The following ECE1 variants were observed in gnomAD, a reference collection of about 807,000 sequenced individuals.
The protein encoded by ECE1 is endothelin converting enzyme 1.
A neutral mutation model predicts 98.6 loss-of-function variants in ECE1; 35 were observed. The ratio of observed to expected loss-of-function variants is 0.35; its 90% confidence interval spans 0.27 to 0.47. The LOEUF is 0.47. Among genes scored for constraint, ECE1 ranks in the 20% least tolerant of loss-of-function variants. The probability of loss-of-function intolerance (pLI) is 1.00; values close to 1 mark genes in which losing one functional copy is unlikely to be tolerated. For synonymous variants in ECE1, 394 were observed against 407.1 expected, an observed-to-expected ratio of 0.97 and a Z score of 0.39; for missense variants, 814 against 1,025.3, an observed-to-expected ratio of 0.79 and a Z score of 2.81.
intron 1 of ECE1, among the ~76,000 whole-genome samples, chr1:21,308,983 A>G (rs1016972406): frequency 5.3e-5 from 8 of 152,164 alleles, no homozygotes; most frequent in African/African-American, 1.9e-4. Context: ...GGAGATTATC[A>G]CAGTTTGCAG....
In ECE1 at chr1:21,340,131, G is replaced by A. The variant is rs1027531509; in HGVS notation, c.3+5245C>T. 6.6e-6 allele frequency among the ~76,000 whole-genome samples: 1 copy of A among 152,380 alleles called. No homozygotes were observed. The highest frequency in any genetic ancestry group is 1.9e-4 in the East Asian group (1 of 5,190). On this transcript the variant is annotated intron_variant, in intron 1 of 18. Coordinates refer to the ECE1 transcript ENST00000415912. This position sits in a 1 kb window ranked among gnomAD's most constrained non-coding sequence, Gnocchi z 4.6. ...CACCTATGGGCAGGATGACTCTGGA[G>A]CTGCATCCCCAGGTTGGCACATAGC...
chr1:21,270,105 T>C (rs906238464), intron 4 of ECE1, among the ~76,000 whole-genome samples: 3 of 152,242 alleles, frequency 2.0e-5, no homozygotes, highest in Non-Finnish European at 4.4e-5. Context: ...CTAGAGGGCC[T>C]GTCCACTGTC....
intron 3 of ECE1, among the ~76,000 whole-genome samples, chr1:21,278,829 A>G (rs1314477604): frequency 6.6e-6 from 1 of 152,234 alleles, no homozygotes; most frequent in Admixed American, 6.5e-5. Context: ...AAGAAGTCCT[A>G]CGAGGCACCA....
At chr1:21,247,415 C>G (rs750933410) in intron 8 of ECE1, 52 bp from the exon 9 acceptor site, 2 of 1,613,724 alleles carry the variant, frequency 1.2e-6, no homozygotes, top group Non-Finnish European at 1.7e-6. Flanking sequence ...TCCTCACAGC[C>G]CAGGGCTCTA....
At chr1:21,297,600 T>C (rs1402200372) in intron 1 of ECE1, among the ~76,000 whole-genome samples, 1 of 150,978 alleles carries the variant, frequency 6.6e-6, no homozygotes, top group African/African-American at 2.4e-5. Flanking sequence ...CACTTAATCT[T>C]GGCTCACTGT....
Position 21,260,301 on chromosome 1 carries a change from C to T in ECE1, c.585G>A (p.Arg195=), listed in dbSNP as rs1020565936. ...CAATCAACTCCATTAGAGGTTTGGC[C>T]CTGAGCTCCTCGATCCTGGTCTCGT... The part of the protein sequence containing the change: ...CMNETRIEEL[R]AKPLMELIER... The change falls in exon 5 of 19, where the codon AGG becomes AGA. Residue 195 remains arginine, a synonymous_variant. Transcript: ENST00000374893. This position sits in a 1 kb window ranked among gnomAD's most constrained non-coding sequence, Gnocchi z 4.3. 2.5e-6 allele frequency: 4 copies of T among 1,614,116 alleles called. No homozygotes were observed. The African/African-American group carries it at 4.0e-5, about 16-fold the overall frequency.
At chr1:21,255,718 C>T (rs112109614) in intron 8 of ECE1, among the ~76,000 whole-genome samples, 38 of 152,168 alleles carry the variant, frequency 2.5e-4, no homozygotes, top group African/African-American at 9.2e-4. Context: ...AGCCTGGTGT[C>T]GGCCAGGCGC....
chr1:21,267,940 T>C (rs2098235970), intron 4 of ECE1, among the ~76,000 whole-genome samples: 1 of 152,232 alleles, frequency 6.6e-6, no homozygotes, highest in Non-Finnish European at 1.5e-5. Context: ...TGTATGTCTA[T>C]CTCCCAGGGA....
At chr1:21,284,630 A>G (rs979593685) in intron 2 of ECE1, among the ~76,000 whole-genome samples, 1 of 152,208 alleles carries the variant, frequency 6.6e-6, no homozygotes, top group African/African-American at 2.4e-5. Context: ...CGGGACACAT[A>G]TTTGGTTACA....
At chr1:21,247,154 T>C in intron 9 of ECE1, 67 bp downstream of exon 9, 4 of 1,610,818 alleles carry the variant, frequency 2.5e-6, no homozygotes, top group Non-Finnish European at 3.4e-6. Flanking sequence ...TCCCCACCCC[T>C]GCCCACCTGC....
At chr1:21,297,284 C>T (rs541508432) in intron 1 of ECE1, among the ~76,000 whole-genome samples, 50 of 152,280 alleles carry the variant, frequency 3.3e-4, no homozygotes, top group African/African-American at 1.2e-3. Context: ...CCACCCCATG[C>T]CCAAGCCCCA....
At position 21,251,565 on chromosome 1, in the gene ECE1, T is replaced by C. The variant is rs535421440; in HGVS notation, c.1021-4202A>G. ...TAACAACTGGCTCTCAGTTTCTGGG[T>C]AACTCTTCCCACCGTGGCTGATGGT... On this transcript the variant is annotated intron_variant, in intron 8 of 18. Coordinates refer to ENST00000374893, the MANE Select transcript of ECE1 (RefSeq NM_001397.3). 1.6e-4 allele frequency among the ~76,000 whole-genome samples: 25 copies of C among 152,256 alleles called. No individual in the cohort carries two copies. The East Asian group carries it at 4.1e-3, about 25-fold the overall frequency.
At chr1:21,239,323 A>G (rs1032312047) in intron 10 of ECE1, among the ~76,000 whole-genome samples, 2 of 152,202 alleles carry the variant, frequency 1.3e-5, no homozygotes, top group Non-Finnish European at 2.9e-5. Flanking sequence ...TGTGGACAGT[A>G]TATATGACCA....
intron 14 of ECE1, among the ~76,000 whole-genome samples, chr1:21,232,122 T>G: frequency 6.6e-6 from 1 of 151,898 alleles, no homozygotes; most frequent in African/African-American, 2.4e-5. Context: ...ATGAAGGAAA[T>G]AGAGATGTTT....
intron 1 of ECE1, among the ~76,000 whole-genome samples, chr1:21,316,416 G>A (rs1289245633): frequency 6.6e-6 from 1 of 152,094 alleles, no homozygotes; most frequent in African/African-American, 2.4e-5. Context: ...TTACAGGCGT[G>A]CGCCACCACA....
intron 11 of ECE1, 72 bp downstream of exon 11, chr1:21,238,062 G>T: frequency 7.0e-7 from 1 of 1,421,096 alleles, no homozygotes; most frequent in Non-Finnish European, 9.9e-7. Context: ...GGGCTGGAGT[G>T]TGAACTGGCA....
At position 21,328,722 on chromosome 1, in the gene ECE1, C is replaced by T. The variant is rs115433045; in HGVS notation, c.3+16654G>A. Among the ~76,000 whole-genome samples, 886 of 145,892 alleles carry T rather than the reference C, an allele frequency of 6.1e-3. 10 individuals are homozygous for T. The highest frequency in any genetic ancestry group is 0.022 in the African/African-American group (849 of 38,782). ...AGGTTGCAGTGAGTTGAGGTCACTC[C>T]ACTGTACTCCAGCCTGAGCAACAAG... is the stretch of plus-strand genomic sequence containing the variant. On this transcript the variant is annotated intron_variant, in intron 1 of 18. Coordinates refer to the ECE1 transcript ENST00000415912.
chr1:21,236,770 T>A lies in ECE1; in HGVS notation c.1464A>T (p.Glu488Asp), dbSNP rs770981218. The A allele has an allele frequency of 3.7e-6, 6 of 1,614,006 alleles. No homozygotes were observed. In the South Asian group the frequency reaches 6.6e-5, roughly 18 times the overall value. Residue 488 changes from glutamate (E) to aspartate (D), a missense_variant, in exon 12 of 19, where the codon GAA (glutamate) becomes GAT (aspartate). Physicochemically the swap from Glu to Asp is conservative, Grantham distance 45. Around this residue, in one of 3 missense-constraint regions of ECE1, gnomAD observed 452 missense variants for 567.3 expected, o/e 0.80. Transcript: ENST00000374893. ...CCTTTTCCTTGGCTGATTTTCGGGT[T>A]TCCTCATCCATCCACTTCAGGGTGC... ...SLSTLKWMDE[E>D]TRKSAKEKAD...
chr1:21,258,629 T>G lies in ECE1; in HGVS notation c.762+64A>C. 1 of 1,372,532 alleles carries G rather than the reference T, an allele frequency of 7.3e-7. No individual in the cohort carries two copies. Among genetic ancestry groups the G allele is most frequent in the Non-Finnish European group, 1.0e-6 (1 of 1,003,966 alleles). 85.0% of individuals were successfully genotyped at this position (1,372,532 alleles called of 1,614,324 possible). ...GCCCCTCTCCCACCCCAGGTCCTGC[T>G]AAACTCAAAACAGGAAGAGGTCGTG... is the stretch of plus-strand genomic sequence containing the variant. On this transcript the variant is annotated intron_variant, in intron 6 of 18. Transcript: ENST00000374893. The surrounding 1 kb of genome is among the most constrained non-coding windows in gnomAD (Gnocchi z 4.2).
Sources: gnomAD v4.1 joint callset for allele counts (sites outside exome capture counted in the v4.1 genomes callset) on GRCh38, gnomAD v4.1.1 for gene constraint, gnomAD v4.1.1 regional missense constraint, Gnocchi (gnomAD v3.1) non-coding constraint, MANE v1.5 for transcripts, NCBI Gene and HGNC (gene_info 2026-07-23, HGNC 2026-07-21) for gene names.